PREX1: variants seen among roughly 807,000 people sequenced by gnomAD.
The protein encoded by PREX1 is phosphatidylinositol-3,4,5-trisphosphate dependent Rac exchange factor 1.
Under a neutral mutation model 198.3 loss-of-function variants are expected in PREX1, and 41 were observed. The observed-to-expected ratio is 0.21, with a 90% CI of 0.16 to 0.27. PREX1 has a LOEUF of 0.27. PREX1 is among the 10% of genes least tolerant of loss of function. The pLI is 1.00. For missense variants in PREX1, 1,620 were observed against 2,200.7 expected (o/e 0.74, Z 5.28); for synonymous variants, 843 against 887.2 (o/e 0.95, Z 0.89).
Position 48,814,030 on chromosome 20 carries a change from G to C in PREX1, c.219+13612C>G, listed in dbSNP as rs1178760563. 2.0e-5 allele frequency among the ~76,000 whole-genome samples: 3 copies of C among 152,164 alleles called. No homozygotes were observed. In the East Asian group the frequency reaches 5.8e-4, roughly 29 times the overall value. On this transcript the variant is annotated intron_variant, in intron 1 of 39. Transcript: ENST00000371941. ...AGACCACCCAGAGCTCCCTGACGTGGCAAATAAAACTTTCCAATCCCTTTG... is the reference window on the plus strand; with the variant it reads ...AGACCACCCAGAGCTCCCTGACGTGCCAAATAAAACTTTCCAATCCCTTTG...
At chr20:48,658,859 AG>A (rs1481584701) in intron 16 of PREX1, among the ~76,000 whole-genome samples, 1 of 152,058 alleles carries the variant, frequency 6.6e-6, no homozygotes, top group Non-Finnish European at 1.5e-5. Flanking sequence ...TAAAGAGTGG[AG>A]GAACATGCTC....
chr20:48,766,673 T>C (rs1023700787), intron 1 of PREX1, among the ~76,000 whole-genome samples: 1 of 152,218 alleles, frequency 6.6e-6, no homozygotes, highest in African/African-American at 2.4e-5. Context: ...TAGGCTCCCA[T>C]ACTTAGTGCC....
At position 48,734,642 on chromosome 20, in the gene PREX1, C is replaced by T; in HGVS notation, c.423G>A (p.Lys141=). ...LGNVFLKFKD[K]FCVYEEYCSN... is the part of the protein sequence containing the mutation. ...TGCAATACTCCTCGTACACGCAGAA[C>T]TTGTCCTTCTGCAAGACAAGGACAG... The change falls in exon 4 of 40, where the codon AAG becomes AAA. Residue 141 remains lysine (K), a synonymous_variant. Coordinates refer to ENST00000371941, the MANE Select transcript of PREX1 (RefSeq NM_020820.4). The T allele has an allele frequency of 6.2e-7, 1 of 1,613,994 alleles. No homozygotes were observed.
chr20:48,694,879 T>C lies in PREX1; in HGVS notation c.918-2089A>G, dbSNP rs182188756. 2.8e-3 allele frequency among the ~76,000 whole-genome samples: 430 copies of C among 152,186 alleles called. 3 individuals are homozygous for C. The highest frequency in any genetic ancestry group is 0.01 in the African/African-American group (417 of 41,486). ...TCAAGAGACTCCCTGTGTCTGCCGG[T>C]GGAGAAGGGACTAGAACCAGAGGGG... On this transcript the variant is annotated intron_variant, in intron 7 of 39. Transcript: ENST00000371941.
intron 28 of PREX1, 33 bp from the exon 29 acceptor site, chr20:48,642,291 C>A (rs780077248): frequency 6.2e-7 from 1 of 1,609,824 alleles, no homozygotes; most frequent in Admixed American, 1.7e-5. Context: ...TTGGTTTGGG[C>A]CCCGTGGCCC....
At chr20:48,824,087 C>A (rs1453354637) in intron 1 of PREX1, among the ~76,000 whole-genome samples, 1 of 152,100 alleles carries the variant, frequency 6.6e-6, no homozygotes, top group Non-Finnish European at 1.5e-5. Context: ...ACGGGGAGTA[C>A]CCCACATAGC....
intron 1 of PREX1, among the ~76,000 whole-genome samples, chr20:48,790,995 C>G (rs1027302991): frequency 6.6e-6 from 1 of 152,174 alleles, no homozygotes; most frequent in Admixed American, 6.5e-5. Context: ...CTATCACCAC[C>G]CGGGAACCCC....
chr20:48,764,895 C>T (rs2090201600), intron 1 of PREX1, among the ~76,000 whole-genome samples: 1 of 151,818 alleles, frequency 6.6e-6, no homozygotes, highest in Admixed American at 6.6e-5. Context: ...ATGGACGAGG[C>T]CACAAGCCAA....
chr20:48,710,546 C>T (rs906383208), intron 5 of PREX1, among the ~76,000 whole-genome samples: 7 of 152,294 alleles, frequency 4.6e-5, no homozygotes, highest in Non-Finnish European at 1.5e-5. Context: ...GAGGTCAGAC[C>T]GTTTGTCCAA....
At position 48,788,610 on chromosome 20, in the gene PREX1, T is replaced by C. The variant is rs573803349; in HGVS notation, c.219+39032A>G. Among the ~76,000 whole-genome samples the C allele has an allele frequency of 2.0e-5, 3 of 152,348 alleles. No individual in the cohort carries two copies. The East Asian group carries it at 5.8e-4, about 29-fold the overall frequency. The stretch of plus-strand genomic sequence containing the variant: ...CTGTAGGTCTAGCTTCATGGGCTAT[T>C]ATACTTCTTCTCTTATATGAGTCTG... On this transcript the variant is annotated intron_variant, in intron 1 of 39. Transcript: ENST00000371941.
intron 36 of PREX1, among the ~76,000 whole-genome samples, chr20:48,629,850 T>C (rs1601025459): frequency 1.3e-5 from 2 of 152,300 alleles, no homozygotes; most frequent in African/African-American, 2.4e-5. Flanking sequence ...GTGTTGACCA[T>C]ATATTTCAGG....
chr20:48,886,789 G>C, the PREX1 span, among the ~76,000 whole-genome samples: 6 of 152,082 alleles, frequency 3.9e-5, no homozygotes, highest in African/African-American at 1.4e-4. Context: ...ACCATGTTAC[G>C]GATGAAGAAA....
intron 1 of PREX1, among the ~76,000 whole-genome samples, chr20:48,749,961 C>T (rs2090127019): frequency 6.6e-6 from 1 of 151,936 alleles, no homozygotes; most frequent in Admixed American, 6.6e-5. Context: ...TCCCCTGAAA[C>T]CCCCAGACTC....
chr20:48,816,987 G>A (rs56284209), intron 1 of PREX1, among the ~76,000 whole-genome samples: 4 of 152,176 alleles, frequency 2.6e-5, no homozygotes, highest in Admixed American at 6.5e-5. Context: ...TGTGATCCTA[G>A]GCAAGTGACC....
chr20:48,789,780 C>T (rs182157476), intron 1 of PREX1, among the ~76,000 whole-genome samples: 4 of 152,022 alleles, frequency 2.6e-5, no homozygotes, highest in African/African-American at 9.7e-5. Context: ...AAGACTGATA[C>T]TGAAATGAGT....
chr20:48,845,810 G>C, the PREX1 span, among the ~76,000 whole-genome samples: 2 of 152,172 alleles, frequency 1.3e-5, no homozygotes, highest in Non-Finnish European at 2.9e-5. Flanking sequence ...AGGCCAGTGA[G>C]GTGGTAATGT....
rs1555840409 is a variant in PREX1 at position 48,744,033 on chromosome 20, T to TGATGA, written c.414+991_414+992insTCATC. 4.1e-3 allele frequency among the ~76,000 whole-genome samples: 576 copies of TGATGA among 140,734 alleles called. 1 individual carries two copies. The highest frequency in any genetic ancestry group is 0.012 in the Middle Eastern group (3 of 254). The allele number at this position is 140,734 out of a possible 152,430, so 92.3% of individuals were successfully genotyped here. A position where few individuals can be genotyped will look rare whatever the true frequency, so the allele number is the denominator to read the frequency against. ...ATGATGATGATGATGATGATGATGA[T>TGATGA]GAGTTAACAGTGGCCGAGTGCTGAT... is the stretch of plus-strand genomic sequence containing the variant. On this transcript the variant is annotated intron_variant, in intron 3 of 39. Transcript: ENST00000371941.
chr20:48,693,902 C>T lies in PREX1; in HGVS notation c.918-1112G>A, dbSNP rs745522510. On this transcript the variant is annotated intron_variant, in intron 7 of 39. Transcript: ENST00000371941. ...AGATTACAGGTGTGAGCCACCGTGC[C>T]GGCCTTATTTTATTTATTTATTTTT... Among the ~76,000 whole-genome samples the T allele has an allele frequency of 4.3e-4, 64 of 148,548 alleles. 1 individual carries two copies. The highest frequency in any genetic ancestry group is 5.2e-4 in the Non-Finnish European group (35 of 67,326).
At chr20:48,825,829 G>A (rs2090506226) in intron 1 of PREX1, among the ~76,000 whole-genome samples, 1 of 151,598 alleles carries the variant, frequency 6.6e-6, no homozygotes. Flanking sequence ...TTCAAAAACT[G>A]CCAGCTTCTA....
Sources: gnomAD v4.1 joint callset for allele counts (sites outside exome capture counted in the v4.1 genomes callset) on GRCh38, gnomAD v4.1.1 for gene constraint, MANE v1.5 for transcripts, NCBI Gene and HGNC (gene_info 2026-07-23, HGNC 2026-07-21) for gene names.